The following DLEU7 variants were observed in gnomAD, a reference collection of about 807,000 sequenced individuals.
DLEU7 encodes the protein leukemia-associated protein 7.
A neutral mutation model predicts 16.0 loss-of-function variants in DLEU7; 17 were observed. The ratio of observed to expected loss-of-function variants is 1.06; its 90% CI spans 0.73 to 1.59. The LOEUF (loss-of-function observed/expected upper bound fraction) is 1.59. Ranked by LOEUF, DLEU7 falls within the 40% of genes most tolerant of loss-of-function variation. The probability of loss-of-function intolerance (pLI) is 0.00; values close to 1 mark genes in which losing one functional copy is unlikely to be tolerated. For synonymous variants in DLEU7, 113 were observed against 139.8 expected (o/e 0.81, Z 1.35); for missense variants, 308 against 314.9 (o/e 0.98, Z 0.17).
intron 1 of DLEU7, among the ~76,000 whole-genome samples, chr13:50,803,685 CTTTAA>C (rs1593401701): frequency 6.6e-6 from 1 of 151,898 alleles, no homozygotes; most frequent in South Asian, 2.1e-4. Flanking sequence ...AAATTAATTT[CTTTAA>C]TTAAAGAAAA....
intron 1 of DLEU7, among the ~76,000 whole-genome samples, chr13:50,731,590 C>T (rs1873913468): frequency 6.6e-6 from 1 of 152,144 alleles, no homozygotes; most frequent in Non-Finnish European, 1.5e-5. Context: ...AGTGAGCTTT[C>T]TTCTAAAAAC....
chr13:50,843,385 C>G lies in DLEU7; in HGVS notation c.262G>C (p.Glu88Gln). 1 of 1,354,612 alleles carries G rather than the reference C, an allele frequency of 7.4e-7. No individual in the cohort carries two copies. The highest frequency in any genetic ancestry group is 9.5e-7 in the Non-Finnish European group (1 of 1,056,862). The allele number at this position is 1,354,612 out of a possible 1,614,324, so 83.9% of individuals were successfully genotyped here. A position where few individuals can be genotyped will look rare whatever the true frequency, so the allele number is the denominator to read the frequency against. The change falls in exon 1 of 2, where the codon GAG becomes CAG. Residue 88 changes from glutamate (E) to glutamine (Q), a missense_variant. By Grantham distance (29) the Glu-to-Gln change is conservative (BLOSUM62 2). Transcript: ENST00000504404. The surrounding 1 kb of genome is among the most constrained non-coding windows in gnomAD (Gnocchi z 5.7). Reference protein sequence around the residue: ...RTAARANSPEEEVVRGAEGGA... With the variant: ...RTAARANSPEQEVVRGAEGGA... ...CCCTCAGCGCCTCGCACTACCTCCT[C>G]CTCTGGGGAGTTCGCCCGCGCCGCG... is the stretch of plus-strand genomic sequence containing the variant.
chr13:50,831,505 C>G (rs147055784), intron 1 of DLEU7, among the ~76,000 whole-genome samples: 1 of 152,126 alleles, frequency 6.6e-6, no homozygotes, highest in South Asian at 2.1e-4. Flanking sequence ...AGAAGGAGAA[C>G]ATTAGTCTGA....
At chr13:50,739,234 T>C (rs1874183907) in intron 1 of DLEU7, among the ~76,000 whole-genome samples, 1 of 152,174 alleles carries the variant, frequency 6.6e-6, no homozygotes, top group Admixed American at 6.5e-5. Flanking sequence ...TTCCCTTTTT[T>C]TCTTCTTTGG....
chr13:50,717,553 C>A (rs12864972), intron 1 of DLEU7, among the ~76,000 whole-genome samples: 2 of 150,060 alleles, frequency 1.3e-5, no homozygotes, highest in Admixed American at 1.3e-4. Flanking sequence ...TAACAAATAG[C>A]GTGAAGTCTC....
intron 1 of DLEU7, among the ~76,000 whole-genome samples, chr13:50,790,745 TC>T (rs1481082554): frequency 2.6e-5 from 4 of 152,168 alleles, no homozygotes; most frequent in Non-Finnish European, 5.9e-5. Flanking sequence ...AACTCCATTT[TC>T]CAGGTGAGAC....
chr13:50,722,624 T>A (rs1394151579), intron 1 of DLEU7, among the ~76,000 whole-genome samples: 3 of 152,216 alleles, frequency 2.0e-5, no homozygotes, highest in Admixed American at 1.3e-4. Context: ...GTTATCTATT[T>A]AAAGCACACT....
At chr13:50,795,609 T>G (rs561024761) in intron 1 of DLEU7, among the ~76,000 whole-genome samples, 13 of 152,342 alleles carry the variant, frequency 8.5e-5, no homozygotes, top group African/African-American at 3.1e-4. Flanking sequence ...GTACTTCAGA[T>G]TGTTAAAATA....
intron 1 of DLEU7, among the ~76,000 whole-genome samples, chr13:50,780,347 T>C (rs1287664577): frequency 6.6e-6 from 1 of 152,232 alleles, no homozygotes; most frequent in Non-Finnish European, 1.5e-5. Flanking sequence ...CAAGGACTTT[T>C]TGATTTAAAA....
intron 1 of DLEU7, among the ~76,000 whole-genome samples, chr13:50,771,525 A>G (rs1322908673): frequency 1.3e-5 from 2 of 152,188 alleles, no homozygotes; most frequent in Non-Finnish European, 2.9e-5. Context: ...TTATGTACCC[A>G]GTAGTCATTC....
intron 1 of DLEU7, among the ~76,000 whole-genome samples, chr13:50,804,044 A>G (rs1046471849): frequency 1.3e-5 from 2 of 152,264 alleles, no homozygotes; most frequent in East Asian, 1.9e-4. Flanking sequence ...AGAATCCAAT[A>G]TTAATTTTTT....
chr13:50,720,447 T>A (rs1189625083), intron 1 of DLEU7, among the ~76,000 whole-genome samples: 1 of 152,164 alleles, frequency 6.6e-6, no homozygotes, highest in East Asian at 1.9e-4. Context: ...CCTCCTGCAT[T>A]TGGGGAATGT....
chr13:50,796,991 T>C (rs532599060), intron 1 of DLEU7, among the ~76,000 whole-genome samples: 1 of 152,226 alleles, frequency 6.6e-6, no homozygotes, highest in East Asian at 1.9e-4. Context: ...ATACATTGAA[T>C]AAAATGTGCT....
At chr13:50,781,277 G>A (rs539277277) in intron 1 of DLEU7, among the ~76,000 whole-genome samples, 1 of 152,308 alleles carries the variant, frequency 6.6e-6, no homozygotes, top group African/African-American at 2.4e-5. Context: ...TAACTAGAAA[G>A]TAGAAAGGAA....
At chr13:50,804,741 C>T (rs969594392) in intron 1 of DLEU7, among the ~76,000 whole-genome samples, 6 of 152,098 alleles carry the variant, frequency 3.9e-5, no homozygotes, top group African/African-American at 4.8e-5. Flanking sequence ...CCACCACGTC[C>T]AGCCAGTTAA....
intron 1 of DLEU7, among the ~76,000 whole-genome samples, chr13:50,715,067 G>A (rs991980327): frequency 1.1e-4 from 17 of 152,242 alleles, no homozygotes; most frequent in African/African-American, 3.4e-4. Flanking sequence ...TGAGGTCCCT[G>A]CTTCCCTGCG....
intron 1 of DLEU7, among the ~76,000 whole-genome samples, chr13:50,832,434 C>T (rs533291166): frequency 6.6e-6 from 1 of 152,138 alleles, no homozygotes; most frequent in Non-Finnish European, 1.5e-5. Flanking sequence ...AAAACCAGCT[C>T]CTGGATTCAT....
chr13:50,752,242 G>A (rs113241930), intron 1 of DLEU7, among the ~76,000 whole-genome samples: 4,998 of 151,934 alleles, frequency 0.033, 172 homozygotes, highest in African/African-American at 0.089. Flanking sequence ...TAGTAGAGAC[G>A]GGGTTTCACC....
chr13:50,763,562 G>T (rs1180279968), intron 1 of DLEU7, among the ~76,000 whole-genome samples: 1 of 152,204 alleles, frequency 6.6e-6, no homozygotes, highest in Non-Finnish European at 1.5e-5. Context: ...GATCATGTGA[G>T]TGCCCTAAAC....
Sources: allele counts gnomAD v4.1 joint callset (sites outside exome capture counted in the v4.1 genomes callset), GRCh38; gene constraint gnomAD v4.1.1; non-coding constraint Gnocchi (gnomAD v3.1); transcripts MANE v1.5; gene names NCBI Gene and HGNC (gene_info 2026-07-23, HGNC 2026-07-21).